Variants in KAZN observed in about 807,000 individuals in gnomAD.
KAZN encodes kazrin, periplakin interacting protein, also known as kazrin.
In KAZN, 40 loss-of-function variants were observed where a neutral mutation model predicts 87.4. The ratio of observed to expected loss-of-function variants is 0.46; its 90% confidence interval spans 0.36 to 0.60. The LOEUF (loss-of-function observed/expected upper bound fraction) is 0.60, where lower values mean the gene tolerates loss of function less well. KAZN is among the 20% of genes least tolerant of loss of function. The probability of loss-of-function intolerance (pLI) is 0.00; values close to 1 mark genes in which losing one functional copy is unlikely to be tolerated. For synonymous variants in KAZN, 466 were observed against 458.3 expected (o/e 1.02, Z -0.22); for missense variants, 898 against 1,073.9 (o/e 0.84, Z 2.29).
intron 1 of KAZN, among the ~76,000 whole-genome samples, chr1:14,064,763 G>A (rs181720385): frequency 2.0e-5 from 3 of 152,246 alleles, no homozygotes; most frequent in African/African-American, 7.2e-5. Flanking sequence ...ACTGCCCTGC[G>A]GACGCTCAGG....
chr1:14,470,388 A>G (rs1401643957), intron 2 of KAZN, among the ~76,000 whole-genome samples: 5 of 152,190 alleles, frequency 3.3e-5, no homozygotes, highest in African/African-American at 1.2e-4. Flanking sequence ...CCAGGGCACA[A>G]GAAAGAAGGC....
intron 2 of KAZN, among the ~76,000 whole-genome samples, chr1:14,440,651 C>T (rs1208977989): frequency 6.6e-6 from 1 of 152,138 alleles, no homozygotes; most frequent in Admixed American, 6.5e-5. Flanking sequence ...AAAATCAAAA[C>T]ATAAGGCCCC....
intron 2 of KAZN, among the ~76,000 whole-genome samples, chr1:15,031,553 GTGTGTTGTGTTGTGT>G (rs139569205): frequency 1.8e-4 from 27 of 146,382 alleles, no homozygotes; most frequent in East Asian, 1.2e-3. Context: ...GCTACTCAGG[GTGTGTTGTGTTGTGT>G]TGTGTTGTGT....
chr1:14,145,041 G>A (rs1645316521), intron 1 of KAZN, among the ~76,000 whole-genome samples: 1 of 152,154 alleles, frequency 6.6e-6, no homozygotes, highest in Non-Finnish European at 1.5e-5. Context: ...TTATTTCATT[G>A]TTTAATCAAT....
At chr1:14,888,209 G>T (rs1397335404) in intron 1 of KAZN, among the ~76,000 whole-genome samples, 3 of 152,178 alleles carry the variant, frequency 2.0e-5, no homozygotes, top group Non-Finnish European at 4.4e-5. Context: ...AGGCTCCCAG[G>T]CACAGAGGCC....
chr1:14,838,800 G>A (rs1036174342), intron 1 of KAZN, among the ~76,000 whole-genome samples: 4 of 152,066 alleles, frequency 2.6e-5, no homozygotes, highest in African/African-American at 9.7e-5. Context: ...TTTTGTATTT[G>A]TAGTAGAGAC....
intron 2 of KAZN, among the ~76,000 whole-genome samples, chr1:14,503,435 C>G (rs10803282): frequency 0.74 from 111,183 of 150,384 alleles, 41,740 homozygotes; most frequent in African/African-American, 0.78. Context: ...AGTGAGCCGA[C>G]ATCACGCCAC....
chr1:15,043,845 A>T lies in KAZN; in HGVS notation c.556-144A>T. ...TTTTTAGTAGAGACGGGGTTTCACCATGTTAGCCAGGATGGTCTCAATCTC... is the reference window on the plus strand; with the variant it reads ...TTTTTAGTAGAGACGGGGTTTCACCTTGTTAGCCAGGATGGTCTCAATCTC... On this transcript the variant is annotated intron_variant, in intron 3 of 14. Coordinates refer to ENST00000376030, the MANE Select transcript of KAZN (RefSeq NM_201628.3). The T allele has an allele frequency of 3.8e-6, 3 of 780,324 alleles. No homozygotes were observed. In the South Asian group the frequency reaches 7.4e-5, roughly 19 times the overall value. 48.3% of individuals were successfully genotyped at this position (780,324 alleles called of 1,614,324 possible).
intron 1 of KAZN, among the ~76,000 whole-genome samples, chr1:14,809,433 A>C (rs1032065635): frequency 1.3e-5 from 2 of 152,036 alleles, no homozygotes; most frequent in African/African-American, 4.8e-5. Flanking sequence ...TCCTGCTCAC[A>C]CCTATGTGCC....
At chr1:14,832,725 T>C (rs2100885383) in intron 1 of KAZN, among the ~76,000 whole-genome samples, 1 of 152,302 alleles carries the variant, frequency 6.6e-6, no homozygotes, top group Non-Finnish European at 1.5e-5. Flanking sequence ...GTTGGACAAG[T>C]ATGGTCTAGA....
intron 1 of KAZN, among the ~76,000 whole-genome samples, chr1:13,970,670 T>C (rs1371648207): frequency 1.3e-5 from 2 of 152,250 alleles, no homozygotes; most frequent in Non-Finnish European, 2.9e-5. Context: ...CTATTTTTCT[T>C]GACCAAAATG....
chr1:13,953,187 C>T (rs960346400), intron 1 of KAZN, among the ~76,000 whole-genome samples: 1 of 150,830 alleles, frequency 6.6e-6, no homozygotes, highest in African/African-American at 2.5e-5. Flanking sequence ...CTCCTCTCAC[C>T]CCTTACATGT....
chr1:14,622,926 T>TTCTTAA (rs571910638), intron 1 of KAZN, among the ~76,000 whole-genome samples: 9 of 44,710 alleles, frequency 2.0e-4, no homozygotes, highest in African/African-American at 1.1e-3. Context: ...GTGTTCTTAA[T>TTCTTAA]TTTTTTTTTT....
chr1:15,011,096 T>C (rs1029403826), intron 2 of KAZN, among the ~76,000 whole-genome samples: 1 of 152,228 alleles, frequency 6.6e-6, no homozygotes, highest in African/African-American at 2.4e-5. Context: ...AAAATGTAGA[T>C]ATTAACGTGT....
intron 1 of KAZN, among the ~76,000 whole-genome samples, chr1:14,100,794 A>G (rs55777805): frequency 0.028 from 4,213 of 152,244 alleles, 208 homozygotes; most frequent in African/African-American, 0.095. Context: ...CTGTGTCCCC[A>G]CCCAAATCTC....
intron 2 of KAZN, among the ~76,000 whole-genome samples, chr1:15,025,137 C>T (rs1474407667): frequency 6.9e-6 from 1 of 145,712 alleles, no homozygotes; most frequent in African/African-American, 2.6e-5. Flanking sequence ...GTGAACAGGA[C>T]AGACCAGGTC....
At position 15,104,150 on chromosome 1, in the gene KAZN, ACC is replaced by A; in HGVS notation, c.2010_2011del (p.Leu671GlyfsTer20). ...AGTGGGAAGCACATCCTCCGGAGAC[ACC>A]TGGCAGAGGAGATGAGCGCCGTCTT... On this transcript the variant is annotated frameshift_variant, in exon 13 of 15. Coordinates refer to ENST00000376030, the MANE Select transcript of KAZN (RefSeq NM_201628.3). LOFTEE classifies it high-confidence loss of function. The A allele has an allele frequency of 6.2e-7, 1 of 1,602,628 alleles. No individual in the cohort carries two copies. The highest frequency in any genetic ancestry group is 1.7e-5 in the Admixed American group (1 of 58,432).
intron 2 of KAZN, among the ~76,000 whole-genome samples, chr1:14,205,137 C>A (rs1463901772): frequency 2.0e-5 from 3 of 152,180 alleles, no homozygotes; most frequent in Non-Finnish European, 2.9e-5. Flanking sequence ...AAGGCCATGA[C>A]TGAGCAGCCA....
At chr1:14,371,490 G>C (rs6429653) in intron 2 of KAZN, among the ~76,000 whole-genome samples, 139,570 of 152,196 alleles carry the variant, frequency 0.92, 64,267 homozygotes, top group Middle Eastern at 0.97. Context: ...TGGCAGGAGA[G>C]TAGCAAGGGC....
Sources: allele counts gnomAD v4.1 joint callset (sites outside exome capture counted in the v4.1 genomes callset), GRCh38; gene constraint gnomAD v4.1.1; transcripts MANE v1.5; gene names NCBI Gene and HGNC (gene_info 2026-07-23, HGNC 2026-07-21).